Variants in DSCAML1 observed in about 807,000 individuals in gnomAD.
The protein encoded by DSCAML1 is DS cell adhesion molecule like 1, also known as cell adhesion molecule DSCAML1.
DSCAML1 carries 38 observed loss-of-function variants against 200.5 expected under a neutral mutation model. The ratio of observed to expected loss-of-function variants is 0.19; its 90% CI spans 0.15 to 0.25. DSCAML1 has a LOEUF of 0.25. Among genes scored for constraint, DSCAML1 ranks in the 10% least tolerant of loss-of-function variants. DSCAML1 has a pLI of 1.00. For synonymous variants in DSCAML1, 1,215 were observed against 1,165.0 expected (o/e 1.04, Z -0.87); for missense variants, 2,223 against 2,858.8 (o/e 0.78, Z 5.07).
chr11:117,695,166 C>T (rs1456856296), intron 3 of DSCAML1, among the ~76,000 whole-genome samples: 2 of 152,152 alleles, frequency 1.3e-5, no homozygotes, highest in East Asian at 3.9e-4. Context: ...AGAGAGTCCA[C>T]AGCTACTGAG....
chr11:117,688,849 C>A (rs1426585840), intron 3 of DSCAML1, among the ~76,000 whole-genome samples: 3 of 152,206 alleles, frequency 2.0e-5, no homozygotes, highest in African/African-American at 7.2e-5. Context: ...CCTTTTTAAC[C>A]AAGGTCGTCC....
chr11:117,566,980 G>T (rs2137428489), intron 3 of DSCAML1, among the ~76,000 whole-genome samples: 1 of 152,008 alleles, frequency 6.6e-6, no homozygotes. Flanking sequence ...GTCTATCATT[G>T]TTGGACATTT....
At chr11:117,510,608 A>G (rs902879739) in intron 8 of DSCAML1, among the ~76,000 whole-genome samples, 1 of 152,114 alleles carries the variant, frequency 6.6e-6, no homozygotes, top group African/African-American at 2.4e-5. Flanking sequence ...GACAGGAGAC[A>G]TCTCTGGGGT....
chr11:117,613,971 G>T (rs1176092933), intron 3 of DSCAML1, among the ~76,000 whole-genome samples: 1 of 152,146 alleles, frequency 6.6e-6, no homozygotes, highest in Non-Finnish European at 1.5e-5. Flanking sequence ...GGTGGGGCAG[G>T]GGTGTGGGGA....
intron 3 of DSCAML1, among the ~76,000 whole-genome samples, chr11:117,533,459 A>G (rs572559621): frequency 1.3e-5 from 2 of 152,312 alleles, no homozygotes; most frequent in African/African-American, 4.8e-5. Context: ...TATTCACTCA[A>G]CAAATGATTA....
At chr11:117,754,631 T>A (rs890619029) in intron 3 of DSCAML1, among the ~76,000 whole-genome samples, 12 of 152,132 alleles carry the variant, frequency 7.9e-5, no homozygotes, top group Non-Finnish European at 1.8e-4. Context: ...GACAGCTAAC[T>A]GGCTCACCCC....
At chr11:117,523,546 C>T (rs1048678574) in intron 5 of DSCAML1, among the ~76,000 whole-genome samples, 2 of 152,146 alleles carry the variant, frequency 1.3e-5, no homozygotes, top group East Asian at 3.9e-4. Flanking sequence ...TCCACCTTGA[C>T]AGTGAATTTG....
chr11:117,688,827 A>C (rs2053450676), intron 3 of DSCAML1, among the ~76,000 whole-genome samples: 1 of 152,246 alleles, frequency 6.6e-6, no homozygotes, highest in South Asian at 2.1e-4. Context: ...TTACACAAAT[A>C]GTCTTCTTTT....
chr11:117,452,906 G>A (rs960308895), intron 19 of DSCAML1, among the ~76,000 whole-genome samples: 2 of 151,976 alleles, frequency 1.3e-5, no homozygotes, highest in African/African-American at 4.8e-5. Context: ...TCCCAACCTT[G>A]CCATTGTTGT....
chr11:117,511,350 G>A (rs1259286347), intron 8 of DSCAML1, among the ~76,000 whole-genome samples: 2 of 152,180 alleles, frequency 1.3e-5, no homozygotes, highest in African/African-American at 2.4e-5. Flanking sequence ...CGGAAGCTCA[G>A]ATGTAGGAAT....
chr11:117,743,107 A>C (rs1405617630), intron 3 of DSCAML1, among the ~76,000 whole-genome samples: 3 of 152,220 alleles, frequency 2.0e-5, no homozygotes, highest in Admixed American at 2.0e-4. Context: ...AGGAGAGAGA[A>C]TACAGAGAAA....
At chr11:117,608,492 A>G (rs1358594639) in intron 3 of DSCAML1, among the ~76,000 whole-genome samples, 1 of 152,204 alleles carries the variant, frequency 6.6e-6, no homozygotes, top group African/African-American at 2.4e-5. Context: ...GGTTGAGACT[A>G]TCTTGTACAT....
At chr11:117,681,997 C>T (rs957924619) in intron 3 of DSCAML1, among the ~76,000 whole-genome samples, 15 of 152,170 alleles carry the variant, frequency 9.9e-5, no homozygotes, top group African/African-American at 3.4e-4. Flanking sequence ...CTTGTCACTC[C>T]CGCTTCATTC....
chr11:117,786,824 G>T (rs937826244), intron 1 of DSCAML1, among the ~76,000 whole-genome samples: 1 of 152,180 alleles, frequency 6.6e-6, no homozygotes, highest in African/African-American at 2.4e-5. Context: ...GTATCTGCCA[G>T]CACTGGGGCC....
At chr11:117,564,607 C>T (rs1591270401) in intron 3 of DSCAML1, among the ~76,000 whole-genome samples, 2 of 152,100 alleles carry the variant, frequency 1.3e-5, no homozygotes, top group East Asian at 3.9e-4. Context: ...TCACTCCTTG[C>T]CTCCCTCAAG....
Position 117,482,158 on chromosome 11 carries a change from C to G in DSCAML1, c.2364G>C (p.Pro788=). The G allele has an allele frequency of 1.2e-6, 2 of 1,614,004 alleles. No homozygotes were observed. The highest frequency in any genetic ancestry group is 1.7e-6 in the Non-Finnish European group (2 of 1,179,940). The change falls in exon 12 of 33, where the codon CCG becomes CCC. Residue 788 remains proline, a synonymous_variant. Transcript: ENST00000651296. ...SKSMFLTVKI[P]AMITSHPNTT... ...TGTTGGGGTGGGAAGTGATCATGGC[C>G]GGGACTGGGGGGCGGAGGCAGAGAA...
chr11:117,769,434 T>TTATATAATATATATTTTATA (rs1565274068), intron 3 of DSCAML1, among the ~76,000 whole-genome samples: 7 of 46,506 alleles, frequency 1.5e-4, no homozygotes, highest in African/African-American at 4.3e-4. Context: ...ATATATATTT[T>TTATATAATATATATTTTATA]TATATAATAT....
chr11:117,615,437 T>G (rs1324109193), intron 3 of DSCAML1, among the ~76,000 whole-genome samples: 1 of 152,132 alleles, frequency 6.6e-6, no homozygotes, highest in Non-Finnish European at 1.5e-5. Flanking sequence ...CAGAACCAGT[T>G]TATTTTCTTG....
intron 3 of DSCAML1, among the ~76,000 whole-genome samples, chr11:117,646,344 C>T (rs1387718691): frequency 1.3e-5 from 2 of 152,192 alleles, no homozygotes; most frequent in East Asian, 3.9e-4. Context: ...ATGGAGCCCT[C>T]ACCCAGAATG....
Sources: allele counts gnomAD v4.1 joint callset (sites outside exome capture counted in the v4.1 genomes callset), GRCh38; gene constraint gnomAD v4.1.1; transcripts MANE v1.5; gene names NCBI Gene and HGNC (gene_info 2026-07-23, HGNC 2026-07-21).